The following CSMD1 variants were observed in gnomAD, a reference collection of about 807,000 sequenced individuals.
CSMD1 encodes CUB and sushi domain-containing protein 1.
A neutral mutation model predicts 417.5 loss-of-function variants in CSMD1; 213 were observed. The ratio of observed to expected loss-of-function variants is 0.51; its 90% CI spans 0.46 to 0.57. The LOEUF is 0.57. CSMD1 is among the 20% of genes least tolerant of loss of function. The probability of loss-of-function intolerance (pLI) is 0.00; values close to 1 mark genes in which losing one functional copy is unlikely to be tolerated. For missense variants in CSMD1, 6,923 were observed against 4,529.7 expected (o/e 1.53, Z -15.17); for synonymous variants, 2,862 against 1,736.8 (o/e 1.65, Z -16.11).
chr8:4,761,871 CTATCTATCTAT>C (rs1812102370), intron 1 of CSMD1, among the ~76,000 whole-genome samples: 3 of 90,938 alleles, frequency 3.3e-5, no homozygotes, highest in African/African-American at 7.9e-5. Context: ...ATCTATCTAT[CTATCTATCTAT>C]CTATCTACCT....
intron 1 of CSMD1, among the ~76,000 whole-genome samples, chr8:4,842,071 G>A (rs535105070): frequency 6.6e-6 from 1 of 152,206 alleles, no homozygotes; most frequent in South Asian, 2.1e-4. Context: ...AAATTTCCTG[G>A]ACGTCACCTA....
At chr8:3,622,834 G>T (rs1178980605) in intron 7 of CSMD1, among the ~76,000 whole-genome samples, 1 of 152,112 alleles carries the variant, frequency 6.6e-6, no homozygotes, top group African/African-American at 2.4e-5. Context: ...AGAAATAAAA[G>T]CTCCAAGGTT....
chr8:3,597,094 G>T (rs896588638), intron 8 of CSMD1, among the ~76,000 whole-genome samples: 2 of 152,180 alleles, frequency 1.3e-5, no homozygotes, highest in Non-Finnish European at 2.9e-5. Context: ...AACGCTGGCT[G>T]CACTGAGCCT....
At chr8:3,647,721 C>T (rs1223617181) in intron 7 of CSMD1, among the ~76,000 whole-genome samples, 3 of 151,830 alleles carry the variant, frequency 2.0e-5, no homozygotes, top group East Asian at 1.9e-4. Context: ...AGAAAACAAA[C>T]GTTAAAGTAT....
intron 8 of CSMD1, among the ~76,000 whole-genome samples, chr8:3,614,749 G>C (rs941760579): frequency 1.4e-4 from 21 of 152,204 alleles, no homozygotes; most frequent in African/African-American, 5.1e-4. Context: ...ATCACACATA[G>C]ATGAGTTTCT....
chr8:3,007,303 G>T (rs1012062810), intron 52 of CSMD1, among the ~76,000 whole-genome samples: 6 of 151,860 alleles, frequency 4.0e-5, no homozygotes, highest in Admixed American at 6.5e-5. Flanking sequence ...TGGAGAAATA[G>T]GAACACTACA....
At chr8:3,762,659 G>A (rs575110439) in intron 5 of CSMD1, among the ~76,000 whole-genome samples, 18 of 152,184 alleles carry the variant, frequency 1.2e-4, no homozygotes, top group South Asian at 2.1e-4. Flanking sequence ...TGCTGACGCC[G>A]TACAGGCACA....
Position 3,419,112 on chromosome 8 carries a change from G to A in CSMD1, c.1562-9507C>T, listed in dbSNP as rs538789609. Among the ~76,000 whole-genome samples, 22 of 152,326 alleles carry A rather than the reference G, an allele frequency of 1.4e-4. No homozygotes were observed. The East Asian group carries it at 3.7e-3, about 25-fold the overall frequency. ...GCCAGCTAGGAACCTCATGGAGGTCGAGGCTTCTCAATGACGCAAGCTGCG... is the reference window on the plus strand; with the variant it reads ...GCCAGCTAGGAACCTCATGGAGGTCAAGGCTTCTCAATGACGCAAGCTGCG... On this transcript the variant is annotated intron_variant, in intron 12 of 69. Transcript: ENST00000635120.
chr8:3,955,213 C>A (rs1811860622), intron 5 of CSMD1, among the ~76,000 whole-genome samples: 2 of 152,130 alleles, frequency 1.3e-5, no homozygotes, highest in Non-Finnish European at 2.9e-5. Context: ...CTTGAATGCG[C>A]CTCTCTCTCC....
chr8:4,928,425 C>T lies in CSMD1; in HGVS notation c.85+65907G>A, dbSNP rs1005350734. On this transcript the variant is annotated intron_variant, in intron 1 of 69. Transcript: ENST00000635120. ...CTTTCCCTGATTGTCTCTGATACAT[C>T]GATAACTACTAACATTGTTCCAAGT... 9.9e-5 allele frequency among the ~76,000 whole-genome samples: 15 copies of T among 152,280 alleles called. No homozygotes were observed. In the East Asian group the frequency reaches 2.5e-3, roughly 25 times the overall value.
At chr8:4,449,911 G>A (rs556444137) in intron 2 of CSMD1, among the ~76,000 whole-genome samples, 303 of 152,210 alleles carry the variant, frequency 2.0e-3, no homozygotes, top group African/African-American at 6.9e-3. Flanking sequence ...TATAAAACCT[G>A]GGCACCATGC....
intron 5 of CSMD1, among the ~76,000 whole-genome samples, chr8:3,964,058 C>T (rs2130007401): frequency 6.6e-6 from 1 of 152,282 alleles, no homozygotes; most frequent in East Asian, 1.9e-4. Flanking sequence ...GATAGCACAG[C>T]ATGAGGTGCT....
At chr8:3,454,243 T>C (rs972051748) in intron 12 of CSMD1, among the ~76,000 whole-genome samples, 3 of 152,210 alleles carry the variant, frequency 2.0e-5, no homozygotes, top group Non-Finnish European at 4.4e-5. Context: ...TATAGCACAC[T>C]GATGGGTCTT....
intron 3 of CSMD1, among the ~76,000 whole-genome samples, chr8:4,112,371 C>G (rs928169466): frequency 2.0e-5 from 3 of 152,182 alleles, no homozygotes; most frequent in African/African-American, 7.2e-5. Context: ...CGCAGAGAAC[C>G]CATCCAGGAA....
chr8:3,000,249 T>C, intron 52 of CSMD1, 118 bp from the exon 53 acceptor site: 2 of 505,214 alleles, frequency 4.0e-6, no homozygotes, highest in Non-Finnish European at 6.6e-6. Context: ...ATTGAAATCT[T>C]TATCATTACA....
intron 3 of CSMD1, among the ~76,000 whole-genome samples, chr8:4,117,184 C>G (rs916720923): frequency 1.3e-5 from 2 of 151,848 alleles, no homozygotes; most frequent in African/African-American, 2.4e-5. Flanking sequence ...TTATTCATCT[C>G]GATGGTTGCT....
intron 3 of CSMD1, among the ~76,000 whole-genome samples, chr8:4,189,524 T>A (rs555730338): frequency 3.0e-4 from 46 of 152,294 alleles, no homozygotes; most frequent in African/African-American, 1.1e-3. Context: ...ATATTAAAGA[T>A]CAATCAACTT....
intron 6 of CSMD1, among the ~76,000 whole-genome samples, chr8:3,732,714 A>T (rs1233075141): frequency 2.6e-5 from 4 of 152,182 alleles, no homozygotes; most frequent in African/African-American, 9.6e-5. Context: ...AAAATGCCCC[A>T]GATGAACTGA....
At chr8:4,158,752 A>G (rs1239206294) in intron 3 of CSMD1, among the ~76,000 whole-genome samples, 1 of 152,088 alleles carries the variant, frequency 6.6e-6, no homozygotes, top group Non-Finnish European at 1.5e-5. Context: ...CATCATCGTC[A>G]CTTGATGGGT....
Sources: gnomAD v4.1 joint callset for allele counts (sites outside exome capture counted in the v4.1 genomes callset) on GRCh38, gnomAD v4.1.1 for gene constraint, MANE v1.5 for transcripts, NCBI Gene and HGNC (gene_info 2026-07-23, HGNC 2026-07-21) for gene names.